AMY2B: variants seen among roughly 807,000 people sequenced by gnomAD.
AMY2B encodes the protein alpha-amylase 2B.
In AMY2B, 63 loss-of-function variants were observed where a neutral mutation model predicts 59.3. The observed-to-expected ratio is 1.06, with a 90% confidence interval of 0.87 to 1.31. The LOEUF is 1.31. Among genes scored for constraint, AMY2B ranks in the 50% most tolerant of loss-of-function variants. AMY2B has a pLI of 0.00. For missense variants in AMY2B, 635 were observed against 626.7 expected (o/e 1.01, Z -0.14); for synonymous variants, 180 against 198.1 (o/e 0.91, Z 0.77).
At chr1:103,573,504 C>T (rs917888708) in intron 3 of AMY2B, among the ~76,000 whole-genome samples, 1 of 152,144 alleles carries the variant, frequency 6.6e-6, no homozygotes, top group African/African-American at 2.4e-5. Context: ...AGCTCGTCGA[C>T]TTTATTTCCT....
chr1:103,558,762 GAA>G (rs781030633), intron 1 of AMY2B, among the ~76,000 whole-genome samples: 13 of 74,108 alleles, frequency 1.8e-4, no homozygotes, highest in Non-Finnish European at 2.0e-4. Context: ...GACCCCAACT[GAA>G]AAAAAAAAAA....
At chr1:103,564,037 T>C (rs993970600) in intron 1 of AMY2B, among the ~76,000 whole-genome samples, 1 of 152,122 alleles carries the variant, frequency 6.6e-6, no homozygotes, top group Non-Finnish European at 1.5e-5. Flanking sequence ...TATGAGTTGA[T>C]AGGATTTTTA....
At chr1:103,575,180 TG>T (rs765585142) in intron 5 of AMY2B, 42 bp from the exon 6 acceptor site, 126 of 1,611,510 alleles carry the variant, frequency 7.8e-5, no homozygotes, top group Non-Finnish European at 9.1e-5. Flanking sequence ...CGCAAACTAT[TG>T]TGAAATGATA....
At chr1:103,570,868 T>A (rs1652101694), upstream of AMY2B, 4 of 389,636 alleles carry the variant, frequency 1.0e-5, no homozygotes, top group Non-Finnish European at 2.0e-5. Context: ...GACATTGTAT[T>A]CAAGTTAACT....
At chr1:103,567,382 G>T (rs1651944384), upstream of AMY2B, among the ~76,000 whole-genome samples, 1 of 152,140 alleles carries the variant, frequency 6.6e-6, no homozygotes, top group African/African-American at 2.4e-5. Context: ...GAATAGTTAA[G>T]ATCCACAGCT....
intron 2 of AMY2B, among the ~76,000 whole-genome samples, chr1:103,566,544 T>G (rs1490632443): frequency 6.6e-6 from 1 of 152,152 alleles, no homozygotes; most frequent in Non-Finnish European, 1.5e-5. Context: ...ACTATCCGAG[T>G]GTGTTTTACA....
At chr1:103,558,809 C>A (rs754440311) in intron 1 of AMY2B, among the ~76,000 whole-genome samples, 2 of 150,394 alleles carry the variant, frequency 1.3e-5, no homozygotes, top group Non-Finnish European at 3.0e-5. Flanking sequence ...TCCTCTGTCT[C>A]TCTTCCCATC....
intron 1 of AMY2B, among the ~76,000 whole-genome samples, chr1:103,559,979 A>G (rs1244597075): frequency 1.3e-5 from 2 of 152,192 alleles, no homozygotes; most frequent in African/African-American, 4.8e-5. Context: ...AACACTTCTT[A>G]TAACAACAAA....
chr1:103,558,693 T>A (rs999378816), intron 1 of AMY2B, among the ~76,000 whole-genome samples: 1 of 151,536 alleles, frequency 6.6e-6, no homozygotes, highest in African/African-American at 2.4e-5. Flanking sequence ...AGCTCAGGAA[T>A]TTGAGGCTGC....
rs978242959 is a variant in AMY2B at position 103,579,209 on chromosome 1, C to T, written c.1347-102C>T. On this transcript the variant is annotated intron_variant, in intron 9 of 9. Transcript: ENST00000684275. ...GGGTTTTCTTCTTAATGAGACTTCACTGCTTAGGGTTCTACAACATAAAGT... is the reference window on the plus strand; with the variant it reads ...GGGTTTTCTTCTTAATGAGACTTCATTGCTTAGGGTTCTACAACATAAAGT... 3.5e-5 allele frequency: 55 copies of T among 1,593,048 alleles called. No homozygotes were observed. In the African/African-American group the frequency reaches 6.9e-4, roughly 20 times the overall value.
intron 1 of AMY2B, among the ~76,000 whole-genome samples, chr1:103,558,987 T>G (rs983872914): frequency 1.3e-5 from 2 of 152,198 alleles, no homozygotes; most frequent in African/African-American, 2.4e-5. Context: ...TTAGTTATTA[T>G]AAGTAATCTG....
Position 103,575,483 on chromosome 1 carries a change from T to C in AMY2B, c.1044T>C (p.Tyr348=), listed in dbSNP as rs767334674. Residue 348 remains tyrosine, a synonymous_variant, in exon 7 of 10, where the codon TAT becomes TAC. Coordinates refer to ENST00000684275, the MANE Select transcript of AMY2B (RefSeq NM_001387437.1). ...TTGGATTTATGCTTGCTCATCCTTA[T>C]GGTTTTACACGAGTAATGTCAAGCT... ...MAVGFMLAHP[Y]GFTRVMSSYR... The C allele has an allele frequency of 5.0e-6, 8 of 1,613,784 alleles. No homozygotes were observed. The highest frequency in any genetic ancestry group is 6.8e-6 in the Non-Finnish European group (8 of 1,179,764).
chr1:103,575,588 G>A (rs750896084), intron 7 of AMY2B, 48 bp downstream of exon 7: 3 of 1,606,354 alleles, frequency 1.9e-6, no homozygotes, highest in African/African-American at 2.7e-5. Flanking sequence ...GAAACAGAAG[G>A]CAATCTTGTT....
chr1:103,571,477 T>G (rs1652127834), upstream of AMY2B: 1 of 1,539,672 alleles, frequency 6.5e-7, no homozygotes, highest in African/African-American at 1.4e-5. Context: ...TTGATAATCC[T>G]TTTCAGATTA....
At chr1:103,565,700 G>A (rs182778048) in intron 2 of AMY2B, 25 of 152,154 alleles carry the variant, frequency 1.6e-4, no homozygotes, top group Non-Finnish European at 3.1e-4. Flanking sequence ...ATATCCCATC[G>A]GATAAAACAA....
intron 1 of AMY2B, among the ~76,000 whole-genome samples, chr1:103,559,569 A>G (rs987711972): frequency 6.6e-6 from 1 of 152,214 alleles, no homozygotes; most frequent in Non-Finnish European, 1.5e-5. Context: ...AAGCAGTGAT[A>G]TATTAGGAAA....
chr1:103,557,432 A>T (rs958993930), intron 1 of AMY2B, among the ~76,000 whole-genome samples: 6 of 152,052 alleles, frequency 3.9e-5, no homozygotes, highest in African/African-American at 1.4e-4. Context: ...AGGTGGATCA[A>T]CGTGAGGTCA....
chr1:103,572,482 A>G (rs1652174910), intron 2 of AMY2B, among the ~76,000 whole-genome samples: 1 of 152,232 alleles, frequency 6.6e-6, no homozygotes. Context: ...ATTTACTTCT[A>G]AAGCAAAACA....
chr1:103,575,474 T>C lies in AMY2B; in HGVS notation c.1035T>C (p.Ala345=), dbSNP rs116293837. The C allele has an allele frequency of 1.4e-3, 2,257 of 1,613,748 alleles. 38 individuals are homozygous for C. In the African/African-American group the frequency reaches 0.027, roughly 19 times the overall value. ...AAATGGCAGTTGGATTTATGCTTGC[T>C]CATCCTTATGGTTTTACACGAGTAA... The part of the protein sequence containing the change: ...LYKMAVGFML[A]HPYGFTRVMS... The change falls in exon 7 of 10, where the codon GCT becomes GCC. Residue 345 remains alanine, a synonymous_variant. Transcript: ENST00000684275.
Sources: allele counts gnomAD v4.1 joint callset (sites outside exome capture counted in the v4.1 genomes callset), GRCh38; gene constraint gnomAD v4.1.1; transcripts MANE v1.5; gene names NCBI Gene and HGNC (gene_info 2026-07-23, HGNC 2026-07-21).